Variants in ASTN2 observed in about 807,000 individuals in gnomAD.
ASTN2 encodes astrotactin-2.
ASTN2 carries 54 observed loss-of-function variants against 139.8 expected under a neutral mutation model. The observed-to-expected ratio is 0.39, with a 90% confidence interval of 0.31 to 0.48. The LOEUF (loss-of-function observed/expected upper bound fraction) is 0.48. ASTN2 is among the 20% of genes least tolerant of loss of function. The pLI is 0.95. For missense variants in ASTN2, 1,565 were observed against 1,725.1 expected (o/e 0.91, Z 1.64); for synonymous variants, 756 against 719.5 (o/e 1.05, Z -0.81).
chr9:116,463,888 C>T (rs1378835801), intron 20 of ASTN2, among the ~76,000 whole-genome samples: 1 of 150,202 alleles, frequency 6.7e-6, no homozygotes, highest in Non-Finnish European at 1.5e-5. Context: ...AGGTGCATGC[C>T]ACCATGAACA....
intron 6 of ASTN2, among the ~76,000 whole-genome samples, chr9:117,024,231 T>C (rs1837984076): frequency 6.6e-6 from 1 of 152,156 alleles, no homozygotes; most frequent in Admixed American, 6.5e-5. Flanking sequence ...ACCCAACTCC[T>C]CATGTAGCTT....
intron 17 of ASTN2, among the ~76,000 whole-genome samples, chr9:116,620,718 T>C (rs931152604): frequency 1.3e-5 from 2 of 152,210 alleles, no homozygotes; most frequent in East Asian, 3.9e-4. Context: ...TTGTGTTAAC[T>C]TATTTAATCT....
chr9:116,908,484 T>G (rs1427581807), intron 10 of ASTN2, among the ~76,000 whole-genome samples: 1 of 152,216 alleles, frequency 6.6e-6, no homozygotes, highest in Non-Finnish European at 1.5e-5. Flanking sequence ...TTCCTCACCA[T>G]AAAAACATGA....
chr9:117,029,038 T>C (rs1033034302), intron 6 of ASTN2, among the ~76,000 whole-genome samples: 4 of 152,170 alleles, frequency 2.6e-5, no homozygotes, highest in Admixed American at 1.3e-4. Context: ...AAATTCTCTA[T>C]CACATTCTGT....
At chr9:116,555,353 T>C (rs1006106965) in intron 19 of ASTN2, among the ~76,000 whole-genome samples, 2 of 152,156 alleles carry the variant, frequency 1.3e-5, no homozygotes, top group Admixed American at 1.3e-4. Context: ...GCTGCTGAGA[T>C]CTCTGAGCCA....
At chr9:117,401,684 C>T (rs1166147728) in intron 1 of ASTN2, among the ~76,000 whole-genome samples, 1 of 152,140 alleles carries the variant, frequency 6.6e-6, no homozygotes, top group Non-Finnish European at 1.5e-5. Context: ...ATTGCCACTG[C>T]TTGACTTTGT....
intron 16 of ASTN2, chr9:116,700,740 C>T (rs1433328615): frequency 1.2e-5 from 2 of 166,916 alleles, no homozygotes; most frequent in East Asian, 3.8e-4. Context: ...TAATTGAGAA[C>T]TGTTTCTTCA....
chr9:117,176,030 TA>T lies in ASTN2; in HGVS notation c.1016-34553del, dbSNP rs34062604. ...TTATAAGGAACATTTACTAATCAGG[TA>T]AAAAAAAAACCATCATAAAAATATG... On this transcript the variant is annotated intron_variant, in intron 3 of 22. Transcript: ENST00000313400. Among the ~76,000 whole-genome samples, 659 of 146,470 alleles carry T rather than the reference TA, an allele frequency of 4.5e-3. 5 individuals are homozygous for T. The highest frequency in any genetic ancestry group is 0.014 in the African/African-American group (547 of 40,032).
At chr9:116,914,547 T>TTTTTTA (rs1554760026) in intron 10 of ASTN2, among the ~76,000 whole-genome samples, 9 of 146,896 alleles carry the variant, frequency 6.1e-5, no homozygotes, top group African/African-American at 2.2e-4. Flanking sequence ...TGTAAAGTGT[T>TTTTTTA]TTATTATTAT....
At chr9:117,171,458 G>GT (rs1273927721) in intron 3 of ASTN2, among the ~76,000 whole-genome samples, 4 of 152,128 alleles carry the variant, frequency 2.6e-5, no homozygotes, top group African/African-American at 9.7e-5. Flanking sequence ...AGTTATTTGA[G>GT]TAAATGTCTA....
intron 16 of ASTN2, among the ~76,000 whole-genome samples, chr9:116,713,632 G>C (rs1167233286): frequency 6.6e-6 from 1 of 152,130 alleles, no homozygotes; most frequent in Non-Finnish European, 1.5e-5. Flanking sequence ...TGCCCACTTT[G>C]GCTAAGTAAT....
rs12001436 is a variant in ASTN2, at chr9:117,266,150, A to T, written c.630+25176T>A. 5.1e-3 allele frequency among the ~76,000 whole-genome samples: 771 copies of T among 152,288 alleles called. 14 individuals are homozygous for T. Among genetic ancestry groups the T allele is most frequent in the African/African-American group, 0.017 (720 of 41,554 alleles). The stretch of plus-strand genomic sequence containing the variant: ...AAATCAGACAGGTTTTATAATTAAG[A>T]TATTGTAGAACCTCACTAAGGATTC... On this transcript the variant is annotated intron_variant, in intron 2 of 22. Transcript: ENST00000313400.
intron 6 of ASTN2, among the ~76,000 whole-genome samples, chr9:117,032,804 A>G (rs1425173932): frequency 6.6e-6 from 1 of 152,118 alleles, no homozygotes; most frequent in East Asian, 1.9e-4. Context: ...TGCCATCCCA[A>G]TGTGTGGGCA....
chr9:116,983,790 C>T (rs1836589071), intron 7 of ASTN2, among the ~76,000 whole-genome samples: 1 of 152,106 alleles, frequency 6.6e-6, no homozygotes, highest in Non-Finnish European at 1.5e-5. Context: ...GTACTCCTGC[C>T]TCTTGCCATT....
chr9:116,706,815 T>G (rs1828000045), intron 16 of ASTN2, among the ~76,000 whole-genome samples: 1 of 148,036 alleles, frequency 6.8e-6, no homozygotes, highest in Non-Finnish European at 1.5e-5. Context: ...TGCTTTGTGC[T>G]GTGCTGCTTT....
At chr9:117,229,710 G>T (rs1021336423) in intron 2 of ASTN2, among the ~76,000 whole-genome samples, 9 of 152,196 alleles carry the variant, frequency 5.9e-5, no homozygotes. Flanking sequence ...TCGGTGAGGG[G>T]TCTGGGCTCA....
rs565966863 is a variant in ASTN2, at chr9:116,770,332, C to T, written c.2396+35300G>A. Among the ~76,000 whole-genome samples the T allele has an allele frequency of 2.3e-3, 343 of 152,228 alleles. 2 individuals carry two copies. Among genetic ancestry groups the T allele is most frequent in the African/African-American group, 5.6e-3 (231 of 41,534 alleles). On this transcript the variant is annotated intron_variant, in intron 13 of 22. Transcript: ENST00000313400. ...TCAGATCTAGGGGTCTATACCAGAC[C>T]AGTCCTTTCCTCACCTACATCTTCT...
At chr9:117,149,124 A>G (rs891755425) in intron 3 of ASTN2, among the ~76,000 whole-genome samples, 5 of 151,930 alleles carry the variant, frequency 3.3e-5, no homozygotes, top group Admixed American at 2.0e-4. Context: ...GGTTCAAGTG[A>G]TTCTCGTGCC....
rs554492856 is a variant in ASTN2, at chr9:116,423,980, C to T, written c.*1871G>A. ...TTATTGATATTCAGTATCTTTTCCT[C>T]TTCTGAAACCCCACAGTGCTACACT... On this transcript the variant is annotated 3_prime_UTR_variant, in exon 23 of 23. Transcript: ENST00000313400. Among the ~76,000 whole-genome samples the T allele has an allele frequency of 1.3e-5, 2 of 152,246 alleles. No homozygotes were observed. The highest frequency in any genetic ancestry group is 1.9e-4 in the East Asian group (1 of 5,176).
Sources: allele counts gnomAD v4.1 joint callset (sites outside exome capture counted in the v4.1 genomes callset), GRCh38; gene constraint gnomAD v4.1.1; transcripts MANE v1.5; gene names NCBI Gene and HGNC (gene_info 2026-07-23, HGNC 2026-07-21).